The following SAMD8 variants were observed in gnomAD, a reference collection of about 807,000 sequenced individuals.
The protein encoded by SAMD8 is sphingomyelin synthase-related protein 1.
In SAMD8, 20 loss-of-function variants were observed where a neutral mutation model predicts 42.0. The ratio of observed to expected loss-of-function variants is 0.48; its 90% CI spans 0.34 to 0.69. SAMD8 has a LOEUF of 0.69. Ranked by LOEUF, SAMD8 falls within the 30% of genes least tolerant of loss-of-function variation. SAMD8 has a pLI of 0.01. For missense variants in SAMD8, 328 were observed against 511.6 expected (o/e 0.64, Z 3.46); for synonymous variants, 162 against 173.0 (o/e 0.94, Z 0.50).
chr10:75,152,500 C>A (rs1460434663), intron 2 of SAMD8, among the ~76,000 whole-genome samples: 1 of 130,050 alleles, frequency 7.7e-6, no homozygotes, highest in Non-Finnish European at 1.6e-5. Context: ...CCAGCCTAGG[C>A]GACAGAGCGA....
Position 75,178,628 on chromosome 10 carries a change from C to CT in SAMD8, c.*1937dup, listed in dbSNP as rs1841029943. On this transcript the variant is annotated 3_prime_UTR_variant, in exon 6 of 6. Transcript: ENST00000542569. The stretch of plus-strand genomic sequence containing the variant: ...GCTATAGTCCCAGGTTCTGAGGAGG[C>CT]TGAGGCAGGAGGATTGCTTGAGGCC... The CT allele has an allele frequency of 6.6e-6, 1 of 152,234 alleles. No homozygotes were observed. The highest frequency in any genetic ancestry group is 6.5e-5 in the Admixed American group (1 of 15,270). The allele number at this position is 152,234 out of a possible 1,614,324, so 9.4% of individuals were successfully genotyped here. A position where few individuals can be genotyped will look rare whatever the true frequency, so the allele number is the denominator to read the frequency against.
At chr10:75,144,060 C>T (rs750636233) in intron 1 of SAMD8, among the ~76,000 whole-genome samples, 10 of 151,522 alleles carry the variant, frequency 6.6e-5, no homozygotes, top group Admixed American at 1.3e-4. Flanking sequence ...CTCTGCCTCC[C>T]GGGTTCAAGT....
intron 1 of SAMD8, among the ~76,000 whole-genome samples, chr10:75,101,050 T>A (rs186622474): frequency 1.3e-5 from 2 of 152,350 alleles, no homozygotes; most frequent in East Asian, 3.9e-4. Context: ...ACAGGCCATG[T>A]GGGGCTGGAG....
At chr10:75,137,027 CAAA>C (rs1839903983) in intron 1 of SAMD8, among the ~76,000 whole-genome samples, 1 of 152,026 alleles carries the variant, frequency 6.6e-6, no homozygotes, top group Non-Finnish European at 1.5e-5. Flanking sequence ...GGTGACTCCT[CAAA>C]AAATTTAGCA....
chr10:75,108,244 A>C, upstream of SAMD8: 1 of 1,563,818 alleles, frequency 6.4e-7, no homozygotes, highest in South Asian at 1.2e-5. Flanking sequence ...GATGCCGGCC[A>C]AGCCATGGGA....
chr10:75,168,511 C>T, intron 3 of SAMD8, 30 bp from the exon 4 acceptor site: 3 of 1,605,732 alleles, frequency 1.9e-6, no homozygotes, highest in Middle Eastern at 1.7e-4. Context: ...TTCTTCTGAT[C>T]TTTCCCCCTT....
intron 1 of SAMD8, among the ~76,000 whole-genome samples, chr10:75,141,844 C>T (rs1409070069): frequency 1.3e-5 from 2 of 151,470 alleles, no homozygotes; most frequent in African/African-American, 2.4e-5. Flanking sequence ...CCTGGCCTGC[C>T]TTTTGCTTCT....
At chr10:75,164,615 T>C in intron 2 of SAMD8, 30 bp from the exon 3 acceptor site, 1 of 1,605,138 alleles carries the variant, frequency 6.2e-7, no homozygotes, top group East Asian at 2.2e-5. Flanking sequence ...GTATACTTCT[T>C]CAATTCAAAA....
At chr10:75,156,234 C>A (rs1261725074) in intron 2 of SAMD8, among the ~76,000 whole-genome samples, 1 of 149,814 alleles carries the variant, frequency 6.7e-6, no homozygotes, top group Non-Finnish European at 1.5e-5. Flanking sequence ...AGTAAGTAAA[C>A]AAATAAATAC....
upstream of SAMD8, among the ~76,000 whole-genome samples, chr10:75,107,776 C>A (rs529636812): frequency 6.6e-6 from 1 of 152,250 alleles, no homozygotes; most frequent in East Asian, 1.9e-4. Flanking sequence ...GAGGTTTCAC[C>A]GTGTTGGCCA....
At chr10:75,174,040 G>A (rs1840931317) in intron 4 of SAMD8, among the ~76,000 whole-genome samples, 1 of 152,106 alleles carries the variant, frequency 6.6e-6, no homozygotes, top group Non-Finnish European at 1.5e-5. Context: ...GCACCTTTTT[G>A]TACCATTATT....
At chr10:75,171,745 C>T (rs1271308300) in intron 4 of SAMD8, among the ~76,000 whole-genome samples, 2 of 152,116 alleles carry the variant, frequency 1.3e-5, no homozygotes, top group Non-Finnish European at 2.9e-5. Context: ...ATAATATGGG[C>T]TAGACAAGGT....
intron 1 of SAMD8, among the ~76,000 whole-genome samples, chr10:75,143,533 C>T (rs1262352541): frequency 6.6e-6 from 1 of 151,726 alleles, no homozygotes; most frequent in Non-Finnish European, 1.5e-5. Flanking sequence ...TGATATTTCA[C>T]TGGGCCTACG....
At chr10:75,134,947 G>A (rs943132204) in intron 1 of SAMD8, among the ~76,000 whole-genome samples, 5 of 152,024 alleles carry the variant, frequency 3.3e-5, no homozygotes, top group African/African-American at 1.2e-4. Context: ...TGTAGTCCCC[G>A]CTACTCAGGA....
chr10:75,169,358 G>A (rs1386066780), intron 4 of SAMD8, among the ~76,000 whole-genome samples: 1 of 149,266 alleles, frequency 6.7e-6, no homozygotes, highest in African/African-American at 2.5e-5. Context: ...AGTGGTGGAC[G>A]CCTGTAATCC....
intron 2 of SAMD8, among the ~76,000 whole-genome samples, chr10:75,154,543 T>C (rs933660118): frequency 6.6e-6 from 1 of 152,196 alleles, no homozygotes; most frequent in African/African-American, 2.4e-5. Context: ...GTGTAAGGAC[T>C]TGAGGACCAT....
At chr10:75,134,035 G>T (rs1045109207) in intron 1 of SAMD8, among the ~76,000 whole-genome samples, 1 of 152,128 alleles carries the variant, frequency 6.6e-6, no homozygotes, top group Admixed American at 6.5e-5. Flanking sequence ...GAACATACGT[G>T]TGCATGCATC....
intron 1 of SAMD8, among the ~76,000 whole-genome samples, chr10:75,145,185 ATCC>A (rs1316721649): frequency 2.6e-5 from 4 of 152,028 alleles, no homozygotes; most frequent in Non-Finnish European, 5.9e-5. Flanking sequence ...GCCGCAAGGG[ATCC>A]TCCTGCCTTG....
intron 2 of SAMD8, among the ~76,000 whole-genome samples, chr10:75,160,326 AG>A (rs1840527709): frequency 2.0e-5 from 3 of 150,726 alleles, no homozygotes; most frequent in Admixed American, 2.0e-4. Context: ...CCTCCCAAGT[AG>A]CTGGGAGTAC....
Sources: gnomAD v4.1 joint callset for allele counts (sites outside exome capture counted in the v4.1 genomes callset) on GRCh38, gnomAD v4.1.1 for gene constraint, MANE v1.5 for transcripts, NCBI Gene and HGNC (gene_info 2026-07-23, HGNC 2026-07-21) for gene names.